MCMDC2: variants seen among roughly 807,000 people sequenced by gnomAD.
MCMDC2 encodes minichromosome maintenance domain-containing protein 2.
MCMDC2 carries 54 observed loss-of-function variants against 75.8 expected under a neutral mutation model. The ratio of observed to expected loss-of-function variants is 0.71; its 90% CI spans 0.57 to 0.89. The LOEUF (loss-of-function observed/expected upper bound fraction) is 0.89. Among genes scored for constraint, MCMDC2 ranks in the 40% least tolerant of loss-of-function variants. The pLI is 0.00. For missense variants in MCMDC2, 656 were observed against 780.4 expected (o/e 0.84, Z 1.90); for synonymous variants, 249 against 274.6 (o/e 0.91, Z 0.92).
intron 4 of MCMDC2, among the ~76,000 whole-genome samples, chr8:66,875,910 C>T (rs1811261331): frequency 6.6e-6 from 1 of 152,136 alleles, no homozygotes; most frequent in African/African-American, 2.4e-5. Context: ...ATTTCCCAAC[C>T]TCATATTTCT....
intron 10 of MCMDC2, among the ~76,000 whole-genome samples, chr8:66,892,770 G>A (rs1475747655): frequency 6.6e-6 from 1 of 152,152 alleles, no homozygotes; most frequent in East Asian, 1.9e-4. Context: ...GGTTCCACCA[G>A]GGACCTGCCC....
chr8:66,896,216 T>C lies in MCMDC2; in HGVS notation c.1326T>C (p.Phe442=), dbSNP rs1362272245. 6.2e-7 allele frequency: 1 copy of C among 1,612,914 alleles called. No individual in the cohort carries two copies. Among genetic ancestry groups the C allele is most frequent in the Non-Finnish European group, 8.5e-7 (1 of 1,179,812 alleles). The change falls in exon 11 of 15, where the codon TTT becomes TTC. Residue 442 remains phenylalanine, a synonymous_variant. Coordinates refer to ENST00000422365, the MANE Select transcript of MCMDC2 (RefSeq NM_173518.5). ...SITVYIPGKK[F]GEDIDQQMTF... ...CAGTGTACATCCCAGGAAAGAAGTTTGGGGAGGATATTGATCAACAGATGA... is the reference window on the plus strand; with the variant it reads ...CAGTGTACATCCCAGGAAAGAAGTTCGGGGAGGATATTGATCAACAGATGA...
intron 4 of MCMDC2, among the ~76,000 whole-genome samples, chr8:66,877,145 A>G (rs998825994): frequency 1.3e-5 from 2 of 152,100 alleles, no homozygotes; most frequent in Non-Finnish European, 2.9e-5. Context: ...TCATAATGCT[A>G]TTTTCAATTA....
Position 66,878,854 on chromosome 8 carries a change from G to A in MCMDC2, c.644G>A (p.Arg215His), listed in dbSNP as rs764152352. ...GAAATAATTGCCACAAAGGCACTTC[G>A]TGCTTTTCAAGGATATTCTAACAAC... ...IVEIIATKAL[R>H]AFQGYSNNQP... is the part of the protein sequence containing the mutation. The change falls in exon 7 of 15, where the codon CGT (arginine) becomes CAT (histidine). Residue 215 changes from arginine (R) to histidine (H), a missense_variant. By Grantham distance (29) the Arg-to-His change is conservative. Transcript: ENST00000422365. The A allele has an allele frequency of 8.1e-6, 13 of 1,609,686 alleles. No homozygotes were observed. Among genetic ancestry groups the A allele is most frequent in the South Asian group, 5.5e-5 (5 of 90,320 alleles).
chr8:66,890,796 T>A (rs1357244302), intron 9 of MCMDC2, 69 bp from the exon 10 acceptor site: 1 of 1,335,624 alleles, frequency 7.5e-7, no homozygotes. Flanking sequence ...CAGAATAAAA[T>A]TAAATTTAAT....
At chr8:66,905,189 T>G in intron 13 of MCMDC2, 37 bp from the exon 14 acceptor site, 1 of 1,355,726 alleles carries the variant, frequency 7.4e-7, no homozygotes, top group Non-Finnish European at 9.6e-7. Context: ...TTTTATAATA[T>G]CAACATATTT....
intron 10 of MCMDC2, 77 bp downstream of exon 10, chr8:66,891,147 G>A (rs1812089836): frequency 8.0e-7 from 1 of 1,248,424 alleles, no homozygotes; most frequent in African/African-American, 1.6e-5. Flanking sequence ...TAACAGTTAA[G>A]ATAGTATTGC....
Position 66,919,260 on chromosome 8 carries a change from A to C in MCMDC2, c.*91A>C, listed in dbSNP as rs968909913. 57 of 1,021,702 alleles carry C rather than the reference A, an allele frequency of 5.6e-5. No individual in the cohort carries two copies. Among genetic ancestry groups the C allele is most frequent in the Non-Finnish European group, 4.1e-5 (29 of 705,302 alleles). The allele number at this position is 1,021,702 out of a possible 1,614,324, so 63.3% of individuals were successfully genotyped here. On this transcript the variant is annotated 3_prime_UTR_variant, in exon 15 of 15. Transcript: ENST00000422365. ...GTGACTTTGAAGTAATGCTTTGATAATACTCTGTACAGGAATATATTACAA... is the reference window on the plus strand; with the variant it reads ...GTGACTTTGAAGTAATGCTTTGATACTACTCTGTACAGGAATATATTACAA...
At chr8:66,874,258 T>G in intron 2 of MCMDC2, 24 bp downstream of exon 2, 2 of 1,603,588 alleles carry the variant, frequency 1.2e-6, no homozygotes, top group Non-Finnish European at 1.7e-6. Context: ...AGGTGAGTTA[T>G]TTTTAAAACT....
At chr8:66,894,698 T>C (rs574262854) in intron 10 of MCMDC2, among the ~76,000 whole-genome samples, 1 of 152,216 alleles carries the variant, frequency 6.6e-6, no homozygotes, top group Non-Finnish European at 1.5e-5. Flanking sequence ...TTTTAATTTT[T>C]CTTTATTTAG....
intron 5 of MCMDC2, among the ~76,000 whole-genome samples, chr8:66,878,038 C>T (rs1811379943): frequency 6.6e-6 from 1 of 151,892 alleles, no homozygotes; most frequent in Non-Finnish European, 1.5e-5. Flanking sequence ...TCTCCCCCGC[C>T]CCCATCTTAA....
intron 4 of MCMDC2, among the ~76,000 whole-genome samples, chr8:66,876,674 A>G (rs1376227982): frequency 6.6e-6 from 1 of 152,152 alleles, no homozygotes; most frequent in East Asian, 1.9e-4. Flanking sequence ...AAGAGATCAC[A>G]ATCTGGGCAC....
At chr8:66,911,813 ACT>A (rs1369262579) in intron 14 of MCMDC2, among the ~76,000 whole-genome samples, 6 of 150,720 alleles carry the variant, frequency 4.0e-5, no homozygotes, top group African/African-American at 1.5e-4. Context: ...ACTGGGCGAG[ACT>A]CTGTCTCAAG....
chr8:66,873,901 G>A, intron 1 of MCMDC2, 152 bp from the exon 2 acceptor site: 1 of 336,024 alleles, frequency 3.0e-6, no homozygotes, highest in Non-Finnish European at 5.3e-6. Flanking sequence ...AAAAAAAGAA[G>A]TTATTTGGCA....
chr8:66,883,742 AAT>A lies in MCMDC2; in HGVS notation c.836-12_836-11del. The A allele has an allele frequency of 7.1e-7, 1 of 1,399,970 alleles. No homozygotes were observed. The highest frequency in any genetic ancestry group is 1.0e-6 in the Non-Finnish European group (1 of 993,960). 86.7% of individuals were successfully genotyped at this position (1,399,970 alleles called of 1,614,324 possible). ...TAAAACCCTTTCTAATATATATGTT[AAT>A]ATTTACTTTCAGTTCCTTCAGGAAT... On this transcript the variant is annotated splice_polypyrimidine_tract_variant and intron_variant, in intron 8 of 14. Coordinates refer to ENST00000422365, the MANE Select transcript of MCMDC2 (RefSeq NM_173518.5).
rs139920900 is a variant in MCMDC2, at chr8:66,896,194, T to C, written c.1304T>C (p.Val435Ala). The change falls in exon 11 of 15, where the codon GTG becomes GCG. Residue 435 changes from valine to alanine, a missense_variant. Coordinates refer to ENST00000422365, the MANE Select transcript of MCMDC2 (RefSeq NM_173518.5). ...GTTCTGGAGAGCAGAAGCATCACAG[T>C]GTACATCCCAGGAAAGAAGTTTGGG... ...QTVLESRSITVYIPGKKFGED... is the reference protein window; with the variant it reads ...QTVLESRSITAYIPGKKFGED... 1.2e-6 allele frequency: 2 copies of C among 1,610,628 alleles called. No homozygotes were observed. Among genetic ancestry groups the C allele is most frequent in the African/African-American group, 2.7e-5 (2 of 74,928 alleles).
chr8:66,873,828 A>T (rs1355031423), intron 1 of MCMDC2, among the ~76,000 whole-genome samples: 1 of 152,050 alleles, frequency 6.6e-6, no homozygotes, highest in Admixed American at 6.6e-5. Context: ...TGGAGGTTGC[A>T]GTGAGCTGAG....
At chr8:66,891,481 T>G (rs1812104420) in intron 10 of MCMDC2, among the ~76,000 whole-genome samples, 1 of 152,254 alleles carries the variant, frequency 6.6e-6, no homozygotes, top group African/African-American at 2.4e-5. Flanking sequence ...TCCGTGGAAG[T>G]TCTTCTCTAT....
intron 9 of MCMDC2, 48 bp from the exon 10 acceptor site, chr8:66,890,816 CT>C (rs1217192974): frequency 1.4e-6 from 2 of 1,471,876 alleles, no homozygotes; most frequent in Non-Finnish European, 1.9e-6. Flanking sequence ...TACATTGTGA[CT>C]TTTGAAAATT....
Sources: gnomAD v4.1 joint callset for allele counts (sites outside exome capture counted in the v4.1 genomes callset) on GRCh38, gnomAD v4.1.1 for gene constraint, MANE v1.5 for transcripts, NCBI Gene and HGNC (gene_info 2026-07-23, HGNC 2026-07-21) for gene names.